The following SPAG16 variants were observed in gnomAD, a reference collection of about 807,000 sequenced individuals.
SPAG16 encodes the protein sperm-associated antigen 16 protein.
Under a neutral mutation model 80.4 loss-of-function variants are expected in SPAG16, and 86 were observed. That is an observed-to-expected ratio of 1.07 (90% CI 0.90 to 1.28). The LOEUF (loss-of-function observed/expected upper bound fraction) is 1.28. Ranked by LOEUF, SPAG16 falls within the 50% of genes most tolerant of loss-of-function variation. The probability of loss-of-function intolerance (pLI) is 0.00; values close to 1 mark genes in which losing one functional copy is unlikely to be tolerated. For synonymous variants in SPAG16, 294 were observed against 265.9 expected (o/e 1.11, Z -1.03); for missense variants, 870 against 765.3 (o/e 1.14, Z -1.61).
chr2:213,749,909 T>C (rs2068006147), intron 10 of SPAG16, among the ~76,000 whole-genome samples: 1 of 152,224 alleles, frequency 6.6e-6, no homozygotes, highest in South Asian at 2.1e-4. Context: ...TGTTTTATTT[T>C]GTAGCAGAAT....
At chr2:214,153,725 T>G (rs185933571) in intron 15 of SPAG16, among the ~76,000 whole-genome samples, 47 of 152,286 alleles carry the variant, frequency 3.1e-4, no homozygotes, top group African/African-American at 9.4e-4. Context: ...AACCTCACTT[T>G]TATGTAATAT....
chr2:214,154,500 C>T (rs996638655), intron 15 of SPAG16, among the ~76,000 whole-genome samples: 3 of 11,932 alleles, frequency 2.5e-4, no homozygotes, highest in East Asian at 1.2e-3. Flanking sequence ...AGTATCAGAC[C>T]CCCCCCCCCC....
chr2:214,153,249 A>C (rs1010946089), intron 15 of SPAG16, among the ~76,000 whole-genome samples: 1 of 152,160 alleles, frequency 6.6e-6, no homozygotes, highest in Non-Finnish European at 1.5e-5. Context: ...CTGTCCAGGC[A>C]TAACAGAAGG....
At chr2:213,554,855 G>A (rs78763835) in intron 10 of SPAG16, among the ~76,000 whole-genome samples, 7,748 of 151,694 alleles carry the variant, frequency 0.051, 679 homozygotes, top group African/African-American at 0.18. Flanking sequence ...TTATTGGATA[G>A]CATCAAATAC....
intron 9 of SPAG16, among the ~76,000 whole-genome samples, chr2:213,387,171 C>A (rs1020643237): frequency 6.6e-6 from 1 of 151,830 alleles, no homozygotes; most frequent in Non-Finnish European, 1.5e-5. Context: ...AGTCCAAATT[C>A]ATTACTTTAA....
At chr2:213,424,951 G>T (rs2069818715) in intron 9 of SPAG16, among the ~76,000 whole-genome samples, 1 of 152,172 alleles carries the variant, frequency 6.6e-6, no homozygotes, top group African/African-American at 2.4e-5. Context: ...AGCAAGATTT[G>T]TTGTATTCAC....
intron 13 of SPAG16, among the ~76,000 whole-genome samples, chr2:214,091,039 A>C (rs2125313307): frequency 6.6e-6 from 1 of 152,174 alleles, no homozygotes; most frequent in East Asian, 1.9e-4. Context: ...TAAATGTTTC[A>C]TGTGTGATAA....
intron 10 of SPAG16, among the ~76,000 whole-genome samples, chr2:213,646,327 A>G (rs1210475248): frequency 6.6e-6 from 1 of 152,078 alleles, no homozygotes; most frequent in Non-Finnish European, 1.5e-5. Flanking sequence ...CTATTCCACC[A>G]TTTTGCTCTG....
At chr2:213,613,400 C>G (rs958894211) in intron 10 of SPAG16, among the ~76,000 whole-genome samples, 2 of 152,314 alleles carry the variant, frequency 1.3e-5, no homozygotes, top group East Asian at 3.9e-4. Context: ...TCTCCTAATG[C>G]TCTGCCTCCT....
chr2:214,207,867 T>A (rs767005250), intron 15 of SPAG16, among the ~76,000 whole-genome samples: 2 of 152,256 alleles, frequency 1.3e-5, no homozygotes, highest in Non-Finnish European at 2.9e-5. Flanking sequence ...GGATGCTTCC[T>A]GCCCTTGGAC....
At chr2:213,774,041 C>A (rs1482529147) in intron 10 of SPAG16, among the ~76,000 whole-genome samples, 1 of 152,022 alleles carries the variant, frequency 6.6e-6, no homozygotes, top group Non-Finnish European at 1.5e-5. Flanking sequence ...ATTTTCTATT[C>A]CTATTTTTTA....
intron 15 of SPAG16, among the ~76,000 whole-genome samples, chr2:214,265,778 G>A (rs901009353): frequency 2.0e-5 from 3 of 151,824 alleles, no homozygotes; most frequent in African/African-American, 7.2e-5. Flanking sequence ...ATTATTGTGA[G>A]TTCTAATAAT....
chr2:213,426,846 C>T (rs1269968094), intron 9 of SPAG16, among the ~76,000 whole-genome samples: 1 of 36,496 alleles, frequency 2.7e-5, no homozygotes, highest in Non-Finnish European at 8.0e-5. Context: ...TACACACACA[C>T]ACACACACAC....
chr2:213,632,506 G>A (rs2062194028), intron 10 of SPAG16, among the ~76,000 whole-genome samples: 1 of 152,002 alleles, frequency 6.6e-6, no homozygotes, highest in Admixed American at 6.5e-5. Flanking sequence ...CCACTATCAT[G>A]TTGAATAACA....
intron 15 of SPAG16, among the ~76,000 whole-genome samples, chr2:214,364,217 G>A (rs1204353310): frequency 1.3e-5 from 2 of 151,990 alleles, no homozygotes; most frequent in East Asian, 1.9e-4. Flanking sequence ...CCAGTGACTA[G>A]TAATGTCGGA....
At chr2:213,679,453 G>A (rs2064269070) in intron 10 of SPAG16, among the ~76,000 whole-genome samples, 1 of 152,014 alleles carries the variant, frequency 6.6e-6, no homozygotes, top group Non-Finnish European at 1.5e-5. Flanking sequence ...TGTACCACTG[G>A]TCCTGACAGT....
intron 13 of SPAG16, among the ~76,000 whole-genome samples, chr2:214,033,886 G>C (rs2048548044): frequency 6.6e-6 from 1 of 152,148 alleles, no homozygotes; most frequent in African/African-American, 2.4e-5. Context: ...CACTGATACA[G>C]CTATCTAATC....
Position 214,281,912 on chromosome 2 carries a change from A to G in SPAG16, c.1721-128228A>G, listed in dbSNP as rs971094137. Among the ~76,000 whole-genome samples, 16 of 152,338 alleles carry G rather than the reference A, an allele frequency of 1.1e-4. No homozygotes were observed. The South Asian group carries it at 1.2e-3, about 12-fold the overall frequency. On this transcript the variant is annotated intron_variant, in intron 15 of 15. Transcript: ENST00000331683. The stretch of plus-strand genomic sequence containing the variant: ...TTTTAAAAGCTAGTCAAAAAACAGT[A>G]TATATGGTGTGATCCCATTTATATA...
At chr2:213,407,054 G>A (rs533718431) in intron 9 of SPAG16, among the ~76,000 whole-genome samples, 21 of 152,262 alleles carry the variant, frequency 1.4e-4, no homozygotes, top group Non-Finnish European at 2.9e-4. Flanking sequence ...CCGCGGGAGC[G>A]GGTAGAGTAC....
Sources: allele counts gnomAD v4.1 joint callset (sites outside exome capture counted in the v4.1 genomes callset), GRCh38; gene constraint gnomAD v4.1.1; transcripts MANE v1.5; gene names NCBI Gene and HGNC (gene_info 2026-07-23, HGNC 2026-07-21).